The following GPC5 variants were observed in gnomAD, a reference collection of about 807,000 sequenced individuals.
GPC5 encodes the protein glypican-5.
A neutral mutation model predicts 53.9 loss-of-function variants in GPC5; 47 were observed. The observed-to-expected ratio is 0.87, with a 90% CI of 0.69 to 1.11. GPC5 has a LOEUF of 1.11. Ranked by LOEUF, GPC5 falls within the 50% of genes most tolerant of loss-of-function variation. The pLI, the probability that GPC5 is intolerant of heterozygous loss-of-function variation, is 0.00. For missense variants in GPC5, 748 were observed against 713.1 expected, an observed-to-expected ratio of 1.05 and a Z score of -0.56; for synonymous variants, 286 against 263.3, an observed-to-expected ratio of 1.09 and a Z score of -0.84.
At chr13:92,447,651 T>A (rs1219984809) in intron 7 of GPC5, 1 of 152,132 alleles carries the variant, frequency 6.6e-6, no homozygotes, top group Non-Finnish European at 1.5e-5. Flanking sequence ...AAGTAATGGA[T>A]TATTCTGACA....
At chr13:91,597,292 G>A (rs117229957) in intron 2 of GPC5, among the ~76,000 whole-genome samples, 1,977 of 152,188 alleles carry the variant, frequency 0.013, 23 homozygotes, top group Middle Eastern at 0.034. Flanking sequence ...TTCAGTTTTC[G>A]TTAGTATAAT....
chr13:91,975,424 G>GA, intron 6 of GPC5, among the ~76,000 whole-genome samples: 1 of 151,744 alleles, frequency 6.6e-6, no homozygotes, highest in Admixed American at 6.6e-5. Context: ...AAATTTACAA[G>GA]AAAAAAACAA....
chr13:91,951,264 A>G lies in GPC5; in HGVS notation c.1401+43207A>G, dbSNP rs1042281940. On this transcript the variant is annotated intron_variant, in intron 6 of 7. Coordinates refer to ENST00000377067, the MANE Select transcript of GPC5 (RefSeq NM_004466.6). ...CCTGTATTGATCTCTGTTTTCTATC[A>G]GAGATGTTATAAATAAACCATGAAT... Among the ~76,000 whole-genome samples the G allele has an allele frequency of 3.9e-5, 6 of 152,178 alleles. No homozygotes were observed. The South Asian group carries it at 6.2e-4, about 16-fold the overall frequency.
chr13:91,689,447 A>G (rs2035706806), intron 2 of GPC5, among the ~76,000 whole-genome samples: 1 of 149,980 alleles, frequency 6.7e-6, no homozygotes, highest in South Asian at 2.1e-4. Flanking sequence ...TTTCTTCAAT[A>G]ACAAATTAAC....
chr13:92,085,829 G>C (rs535765570), intron 6 of GPC5, among the ~76,000 whole-genome samples: 24 of 152,216 alleles, frequency 1.6e-4, no homozygotes, highest in African/African-American at 5.1e-4. Context: ...AGAATCTGAT[G>C]CTGCTGCTGA....
intron 5 of GPC5, among the ~76,000 whole-genome samples, chr13:91,884,031 A>G (rs1326661785): frequency 1.3e-5 from 2 of 152,198 alleles, no homozygotes; most frequent in Non-Finnish European, 2.9e-5. Flanking sequence ...AAAGAAACGC[A>G]AATCAAAACT....
At chr13:91,484,079 C>T (rs572853640) in intron 2 of GPC5, among the ~76,000 whole-genome samples, 7 of 152,192 alleles carry the variant, frequency 4.6e-5, no homozygotes, top group South Asian at 4.1e-4. Flanking sequence ...TTTTGTAGAA[C>T]GTACTTTTTT....
intron 7 of GPC5, among the ~76,000 whole-genome samples, chr13:92,284,998 G>A (rs902002255): frequency 4.6e-5 from 7 of 152,242 alleles, no homozygotes; most frequent in South Asian, 2.1e-4. Flanking sequence ...TAACCCCATC[G>A]TCTCAGCCCA....
chr13:91,897,653 G>A (rs1566329799), intron 5 of GPC5, among the ~76,000 whole-genome samples: 2 of 152,208 alleles, frequency 1.3e-5, no homozygotes, highest in South Asian at 2.1e-4. Context: ...GTAAAACTGT[G>A]TTCTCTATAA....
intron 6 of GPC5, among the ~76,000 whole-genome samples, chr13:92,046,929 T>C (rs904705487): frequency 6.6e-6 from 1 of 152,182 alleles, no homozygotes; most frequent in Non-Finnish European, 1.5e-5. Context: ...CACTAATGTT[T>C]TAATAAAATA....
At chr13:92,852,379 C>CA (rs556402319) in intron 7 of GPC5, among the ~76,000 whole-genome samples, 213 of 152,180 alleles carry the variant, frequency 1.4e-3, no homozygotes, top group African/African-American at 4.9e-3. Flanking sequence ...TTAACTAGGT[C>CA]AAAGGTGATG....
At chr13:92,641,053 C>G (rs1246437849) in intron 7 of GPC5, among the ~76,000 whole-genome samples, 1 of 152,050 alleles carries the variant, frequency 6.6e-6, no homozygotes, top group African/African-American at 2.4e-5. Flanking sequence ...CAAGAAATAT[C>G]ACGAGAATAC....
chr13:91,759,958 A>G (rs1018972855), intron 5 of GPC5, among the ~76,000 whole-genome samples: 1 of 152,132 alleles, frequency 6.6e-6, no homozygotes, highest in African/African-American at 2.4e-5. Context: ...GGAAAGTTAC[A>G]AGAAAATTGT....
intron 3 of GPC5, among the ~76,000 whole-genome samples, chr13:91,696,005 C>T (rs914663002): frequency 1.3e-5 from 2 of 152,150 alleles, no homozygotes; most frequent in East Asian, 1.9e-4. Flanking sequence ...GCTGGGTCAG[C>T]TTCTAAAACC....
At chr13:91,990,539 A>G (rs1451983255) in intron 6 of GPC5, among the ~76,000 whole-genome samples, 1 of 152,166 alleles carries the variant, frequency 6.6e-6, no homozygotes, top group East Asian at 1.9e-4. Flanking sequence ...GAAGATTTGT[A>G]TTACCTAGTG....
intron 7 of GPC5, among the ~76,000 whole-genome samples, chr13:92,337,556 A>G (rs2043333398): frequency 6.6e-6 from 1 of 152,208 alleles, no homozygotes; most frequent in Admixed American, 6.5e-5. Context: ...TTCAAGACAT[A>G]TTATCAAGCA....
chr13:92,364,170 AC>A (rs1251327594), intron 7 of GPC5, among the ~76,000 whole-genome samples: 1 of 151,742 alleles, frequency 6.6e-6, no homozygotes, highest in Admixed American at 6.5e-5. Flanking sequence ...CTGCAAAGAT[AC>A]CCTACAGGGT....
chr13:91,735,286 AT>A (rs973752064), intron 4 of GPC5, among the ~76,000 whole-genome samples: 1 of 150,970 alleles, frequency 6.6e-6, no homozygotes. Flanking sequence ...TCCAAGTCAA[AT>A]TTTCCATATT....
At chr13:92,665,867 T>C (rs1251541901) in intron 7 of GPC5, among the ~76,000 whole-genome samples, 1 of 152,204 alleles carries the variant, frequency 6.6e-6, no homozygotes, top group Non-Finnish European at 1.5e-5. Flanking sequence ...ATGTCTCCAA[T>C]AATTTTCCTC....
Sources: allele counts gnomAD v4.1 joint callset (sites outside exome capture counted in the v4.1 genomes callset), GRCh38; gene constraint gnomAD v4.1.1; transcripts MANE v1.5; gene names NCBI Gene and HGNC (gene_info 2026-07-23, HGNC 2026-07-21).